Variants in NTN1 observed in about 807,000 individuals in gnomAD.
NTN1 encodes the protein netrin-1.
NTN1 carries 11 observed loss-of-function variants against 54.2 expected under a neutral mutation model. That is an observed-to-expected ratio of 0.20 (90% CI 0.13 to 0.34). The LOEUF (loss-of-function observed/expected upper bound fraction) is 0.34. Among genes scored for constraint, NTN1 ranks in the 10% least tolerant of loss-of-function variants. NTN1 has a pLI of 1.00. For synonymous variants in NTN1, 371 were observed against 382.0 expected, an observed-to-expected ratio of 0.97 and a Z score of 0.33; for missense variants, 740 against 893.1, an observed-to-expected ratio of 0.83 and a Z score of 2.18.
chr17:9,167,636 A>G (rs2092376806), intron 3 of NTN1, among the ~76,000 whole-genome samples: 1 of 152,334 alleles, frequency 6.6e-6, no homozygotes, highest in African/African-American at 2.4e-5. Flanking sequence ...AGATGCAATA[A>G]TTAGCCAGGG....
At chr17:9,127,692 C>T (rs562472362) in intron 2 of NTN1, among the ~76,000 whole-genome samples, 143 of 152,100 alleles carry the variant, frequency 9.4e-4, no homozygotes, top group Non-Finnish European at 1.4e-3. Context: ...GCAGCTCAGA[C>T]GGGGGAACTA....
At chr17:9,114,999 C>T (rs1356483808) in intron 2 of NTN1, among the ~76,000 whole-genome samples, 1 of 152,168 alleles carries the variant, frequency 6.6e-6, no homozygotes, top group Non-Finnish European at 1.5e-5. Flanking sequence ...AAGATGCTAC[C>T]TGCATTTTTC....
At chr17:9,151,162 G>C (rs560780068) in intron 2 of NTN1, among the ~76,000 whole-genome samples, 1 of 152,162 alleles carries the variant, frequency 6.6e-6, no homozygotes, top group Non-Finnish European at 1.5e-5. Flanking sequence ...CTGGCTGCGG[G>C]GTGGGAGGCC....
chr17:9,236,700 G>C (rs1438650435), intron 6 of NTN1, among the ~76,000 whole-genome samples: 1 of 152,226 alleles, frequency 6.6e-6, no homozygotes, highest in African/African-American at 2.4e-5. Flanking sequence ...ACTGTCCATT[G>C]CTCTATCCCT....
intron 5 of NTN1, among the ~76,000 whole-genome samples, chr17:9,195,192 A>AC (rs3031881): frequency 7.0e-6 from 1 of 142,520 alleles, no homozygotes. Flanking sequence ...GGCGAGCTCT[A>AC]CCACCCCTCC....
chr17:9,075,839 C>T lies in NTN1; in HGVS notation c.1018+52448C>T, dbSNP rs149025430. Among the ~76,000 whole-genome samples, 101 of 152,338 alleles carry T rather than the reference C, an allele frequency of 6.6e-4. No homozygotes were observed. The East Asian group carries it at 9.3e-3, about 14-fold the overall frequency. ...ATGTTTCCCCAGGGGGAAAATACCCCGCCTGGAATGGGTCAGTGGTTGGCA... is the reference window on the plus strand; with the variant it reads ...ATGTTTCCCCAGGGGGAAAATACCCTGCCTGGAATGGGTCAGTGGTTGGCA... On this transcript the variant is annotated intron_variant, in intron 2 of 6. Transcript: ENST00000173229.
At chr17:9,134,704 C>T (rs748951156) in intron 2 of NTN1, among the ~76,000 whole-genome samples, 2 of 152,200 alleles carry the variant, frequency 1.3e-5, no homozygotes, top group Non-Finnish European at 2.9e-5. Flanking sequence ...GCTGGCTGCT[C>T]ATTGCCCTGT....
At chr17:9,233,836 G>A (rs3786003) in intron 6 of NTN1, among the ~76,000 whole-genome samples, 37,254 of 151,520 alleles carry the variant, frequency 0.25, 4,810 homozygotes, top group Middle Eastern at 0.29. Flanking sequence ...AGACACCCAG[G>A]GCTGGACAGG....
chr17:9,214,350 G>A (rs1905171923), intron 5 of NTN1, among the ~76,000 whole-genome samples: 1 of 152,160 alleles, frequency 6.6e-6, no homozygotes, highest in Non-Finnish European at 1.5e-5. Context: ...ATATTTCAAT[G>A]AGATGTTATT....
chr17:9,044,309 A>G (rs1030521495), intron 2 of NTN1, among the ~76,000 whole-genome samples: 2 of 151,260 alleles, frequency 1.3e-5, no homozygotes, highest in Non-Finnish European at 2.9e-5. Context: ...ATCTCGGCTC[A>G]CTGCAACCTC....
chr17:9,225,386 G>A (rs1905500789), intron 6 of NTN1, among the ~76,000 whole-genome samples: 1 of 152,228 alleles, frequency 6.6e-6, no homozygotes, highest in African/African-American at 2.4e-5. Flanking sequence ...GCTCAGAGGA[G>A]CCCTGCGGGG....
intron 2 of NTN1, among the ~76,000 whole-genome samples, chr17:9,139,241 A>T (rs891086159): frequency 3.3e-5 from 5 of 152,134 alleles, no homozygotes; most frequent in African/African-American, 1.2e-4. Flanking sequence ...CTTTCTGATC[A>T]GACAATAAAT....
In NTN1 at chr17:9,219,034, A is replaced by G. The variant is rs1905272520; in HGVS notation, c.1412-2134A>G. Among the ~76,000 whole-genome samples, 1 of 152,180 alleles carries G rather than the reference A, an allele frequency of 6.6e-6. No homozygotes were observed. Among genetic ancestry groups the G allele is most frequent in the African/African-American group, 2.4e-5 (1 of 41,428 alleles). ...AGTGGAGAAAGCAGGAAGGGATTTC[A>G]GCCAGCTCACGCAGAATCGCCAGGA... On this transcript the variant is annotated intron_variant, in intron 5 of 6. Coordinates refer to ENST00000173229, the MANE Select transcript of NTN1 (RefSeq NM_004822.3). The surrounding 1 kb of genome is among the most constrained non-coding windows in gnomAD (Gnocchi z 4.5).
chr17:9,046,472 A>G (rs916373607), intron 2 of NTN1, among the ~76,000 whole-genome samples: 14 of 152,204 alleles, frequency 9.2e-5, no homozygotes, highest in African/African-American at 3.4e-4. Flanking sequence ...GCTACTTTTG[A>G]AAATAATCCC....
chr17:9,241,398 T>C lies in NTN1; in HGVS notation c.*1430T>C. 1 of 152,824 alleles carries C rather than the reference T, an allele frequency of 6.5e-6. No individual in the cohort carries two copies. The highest frequency in any genetic ancestry group is 1.5e-5 in the Non-Finnish European group (1 of 68,378). 9.5% of individuals were successfully genotyped at this position (152,824 alleles called of 1,614,324 possible). On this transcript the variant is annotated 3_prime_UTR_variant, in exon 7 of 7. Coordinates refer to ENST00000173229, the MANE Select transcript of NTN1 (RefSeq NM_004822.3). Reference sequence around the variant, plus strand: ...ACACGGTCCTCAAGCAGGCAGCCCCTTTTGTTCTGACCTCCTCACACAGGG... The same window carrying C: ...ACACGGTCCTCAAGCAGGCAGCCCCCTTTGTTCTGACCTCCTCACACAGGG...
intron 2 of NTN1, among the ~76,000 whole-genome samples, chr17:9,115,154 G>A (rs1252343752): frequency 6.6e-6 from 1 of 152,214 alleles, no homozygotes; most frequent in Non-Finnish European, 1.5e-5. Flanking sequence ...AGCTCCTTGA[G>A]AGAAAGGACT....
chr17:9,168,195 T>C (rs1316478984), intron 3 of NTN1, among the ~76,000 whole-genome samples: 2 of 152,208 alleles, frequency 1.3e-5, no homozygotes, highest in Non-Finnish European at 2.9e-5. Context: ...TTTTTATGAT[T>C]ATCTTGATGA....
Position 9,232,836 on chromosome 17 carries a change from C to T in NTN1, c.1487-6804C>T, listed in dbSNP as rs933493750. 4.6e-5 allele frequency among the ~76,000 whole-genome samples: 7 copies of T among 152,160 alleles called. No homozygotes were observed. In the South Asian group the frequency reaches 6.2e-4, roughly 14 times the overall value. ...CACTGAGACCAAGCCTTGGCTCTGG[C>T]GGCCCTTCCTCCCTTCGCAGGGCCT... is the stretch of plus-strand genomic sequence containing the variant. On this transcript the variant is annotated intron_variant, in intron 6 of 6. Coordinates refer to ENST00000173229, the MANE Select transcript of NTN1 (RefSeq NM_004822.3).
At chr17:9,044,029 T>G (rs1230515787) in intron 2 of NTN1, among the ~76,000 whole-genome samples, 3 of 152,184 alleles carry the variant, frequency 2.0e-5, no homozygotes, top group African/African-American at 7.2e-5. Flanking sequence ...TAATGACTTT[T>G]CCTCTCTAGA....
Sources: allele counts gnomAD v4.1 joint callset (sites outside exome capture counted in the v4.1 genomes callset), GRCh38; gene constraint gnomAD v4.1.1; non-coding constraint Gnocchi (gnomAD v3.1); transcripts MANE v1.5; gene names NCBI Gene and HGNC (gene_info 2026-07-23, HGNC 2026-07-21).